Variants in GPAT3 observed in about 807,000 individuals in gnomAD.
The protein encoded by GPAT3 is 1-AGP acyltransferase 9.
GPAT3 carries 53 observed loss-of-function variants against 58.8 expected under a neutral mutation model. The ratio of observed to expected loss-of-function variants is 0.90; its 90% CI spans 0.72 to 1.13. The LOEUF (loss-of-function observed/expected upper bound fraction) is 1.13, where lower values mean the gene tolerates loss of function less well. Among genes scored for constraint, GPAT3 ranks in the 50% most tolerant of loss-of-function variants. The pLI, the probability that GPAT3 is intolerant of heterozygous loss-of-function variation, is 0.00. For synonymous variants in GPAT3, 197 were observed against 187.4 expected (o/e 1.05, Z -0.42); for missense variants, 511 against 527.6 (o/e 0.97, Z 0.31).
intron 1 of GPAT3, among the ~76,000 whole-genome samples, chr4:83,542,902 G>T (rs1008440581): frequency 2.6e-5 from 4 of 152,188 alleles, no homozygotes; most frequent in Non-Finnish European, 1.5e-5. Context: ...GGAGGCTGAG[G>T]CAGGAGAATC....
intron 3 of GPAT3, among the ~76,000 whole-genome samples, chr4:83,585,557 G>A (rs909099279): frequency 2.0e-5 from 3 of 151,482 alleles, no homozygotes; most frequent in Admixed American, 6.6e-5. Flanking sequence ...ATGTTCAGAT[G>A]TGTTATTGAT....
At chr4:83,537,625 G>GTA (rs59505718) in intron 1 of GPAT3, among the ~76,000 whole-genome samples, 2,167 of 147,614 alleles carry the variant, frequency 0.015, 46 homozygotes, top group African/African-American at 0.045. Flanking sequence ...GTGTGTGTGT[G>GTA]TATATTTAAC....
At chr4:83,542,796 G>A (rs200875224) in intron 1 of GPAT3, among the ~76,000 whole-genome samples, 1 of 151,446 alleles carries the variant, frequency 6.6e-6, no homozygotes. Context: ...TCAGCAGTTC[G>A]AGACCACACT....
rs148015617 is a variant in GPAT3 at position 83,557,119 on chromosome 4, T to G, written c.208+12517T>G. 3.1e-3 allele frequency among the ~76,000 whole-genome samples: 477 copies of G among 152,332 alleles called. 1 individual carries two copies. Among genetic ancestry groups the G allele is most frequent in the African/African-American group, 0.011 (462 of 41,564 alleles). On this transcript the variant is annotated intron_variant, in intron 2 of 11. Coordinates refer to ENST00000264409, the MANE Select transcript of GPAT3 (RefSeq NM_032717.5). ...ATACTCTGACATTGGGGATTAGGTT[T>G]CAACACACTAGTCTTGGCAGATGCA...
At chr4:83,545,707 A>G (rs1184585727) in intron 2 of GPAT3, among the ~76,000 whole-genome samples, 1 of 152,170 alleles carries the variant, frequency 6.6e-6, no homozygotes, top group Non-Finnish European at 1.5e-5. Flanking sequence ...ATTTCTGGCT[A>G]TATTTTATCC....
intron 11 of GPAT3, among the ~76,000 whole-genome samples, chr4:83,599,317 A>T (rs1324123951): frequency 1.3e-5 from 2 of 152,120 alleles, no homozygotes; most frequent in Non-Finnish European, 2.9e-5. Context: ...TTCCAACTCT[A>T]CTCAGTGTGT....
rs1317801458 is a variant in GPAT3 at position 83,574,882 on chromosome 4, GT to G, written c.209-6667del. ...ACATTTCTTTCTTTTTTTTTTTTTTGTTTTTTTTTTTTTGAGACGGAGTCTC... is the reference window on the plus strand; with the variant it reads ...ACATTTCTTTCTTTTTTTTTTTTTTGTTTTTTTTTTTTGAGACGGAGTCTC... On this transcript the variant is annotated intron_variant, in intron 2 of 11. Transcript: ENST00000264409. 7.5e-3 allele frequency among the ~76,000 whole-genome samples: 724 copies of G among 96,732 alleles called. 2 individuals are homozygous for G. The highest frequency in any genetic ancestry group is 0.013 in the Non-Finnish European group (580 of 46,018). The allele number at this position is 96,732 out of a possible 152,430, so 63.5% of individuals were successfully genotyped here. A position where few individuals can be genotyped will look rare whatever the true frequency, so the allele number is the denominator to read the frequency against.
intron 2 of GPAT3, among the ~76,000 whole-genome samples, chr4:83,566,419 TTTATTATTA>T (rs10688921): frequency 7.7e-5 from 11 of 143,594 alleles, no homozygotes; most frequent in South Asian, 2.2e-4. Flanking sequence ...AATTAATTAA[TTTATTATTA>T]TTATTATTAT....
At chr4:83,578,165 A>G (rs936690386) in intron 2 of GPAT3, among the ~76,000 whole-genome samples, 15 of 152,304 alleles carry the variant, frequency 9.8e-5, no homozygotes, top group African/African-American at 3.4e-4. Flanking sequence ...CAAATGTTTC[A>G]TCAATAAGGC....
chr4:83,577,434 G>C (rs1487467780), intron 2 of GPAT3, among the ~76,000 whole-genome samples: 15 of 152,120 alleles, frequency 9.9e-5, no homozygotes, highest in Admixed American at 9.8e-4. Context: ...GTGAATCTCT[G>C]TGTCCTAAGG....
chr4:83,541,798 T>TGTC (rs1724314047), intron 1 of GPAT3, among the ~76,000 whole-genome samples: 1 of 152,218 alleles, frequency 6.6e-6, no homozygotes, highest in Non-Finnish European at 1.5e-5. Context: ...TCAGCAGGTT[T>TGTC]AGCCTCATTC....
In GPAT3 at chr4:83,545,045, A is replaced by G. The variant is rs1361764072; in HGVS notation, c.208+443A>G. On this transcript the variant is annotated intron_variant, in intron 2 of 11. Transcript: ENST00000264409. ...TAATTGGTAATACATGAAATAAAAAATAATTTTCTCGTGAAATAAGTTTAG... is the reference window on the plus strand; with the variant it reads ...TAATTGGTAATACATGAAATAAAAAGTAATTTTCTCGTGAAATAAGTTTAG... Among the ~76,000 whole-genome samples the G allele has an allele frequency of 3.3e-5, 5 of 152,254 alleles. No homozygotes were observed. The East Asian group carries it at 9.6e-4, about 29-fold the overall frequency.
chr4:83,591,652 C>A (rs746690054), intron 6 of GPAT3, among the ~76,000 whole-genome samples: 2 of 152,164 alleles, frequency 1.3e-5, no homozygotes, highest in Non-Finnish European at 2.9e-5. Flanking sequence ...CTAGACCCCG[C>A]AGCACAGTTC....
At position 83,594,858 on chromosome 4, in the gene GPAT3, A is replaced by G; in HGVS notation, c.752A>G (p.His251Arg). Residue 251 changes from histidine to arginine, a missense_variant, in exon 7 of 12, where the codon CAT becomes CGT. By Grantham distance (29) the His-to-Arg change is conservative. Coordinates refer to ENST00000264409, the MANE Select transcript of GPAT3 (RefSeq NM_032717.5). ...DGCYAMVGQV[H>R]GGLMGIIQRA... Reference sequence around the variant, plus strand: ...TGCTACTTCTAGGTTGGCCAGGTTCATGGCGGCTTGATGGGAATTATTCAG... The same window carrying G: ...TGCTACTTCTAGGTTGGCCAGGTTCGTGGCGGCTTGATGGGAATTATTCAG... 2 of 1,613,910 alleles carry G rather than the reference A, an allele frequency of 1.2e-6. No homozygotes were observed. The highest frequency in any genetic ancestry group is 1.7e-6 in the Non-Finnish European group (2 of 1,179,860).
chr4:83,548,266 C>T (rs530602413), intron 2 of GPAT3, among the ~76,000 whole-genome samples: 3 of 152,222 alleles, frequency 2.0e-5, no homozygotes, highest in Admixed American at 2.0e-4. Flanking sequence ...GACCCTGGGA[C>T]TTGGTCTGAC....
chr4:83,572,262 T>C (rs1334265074), intron 2 of GPAT3, among the ~76,000 whole-genome samples: 1 of 152,320 alleles, frequency 6.6e-6, no homozygotes, highest in Admixed American at 6.5e-5. Flanking sequence ...TGCCTGTCAC[T>C]CTTTATATAT....
intron 3 of GPAT3, among the ~76,000 whole-genome samples, chr4:83,585,166 C>T (rs1726331866): frequency 6.6e-6 from 1 of 151,992 alleles, no homozygotes; most frequent in South Asian, 2.1e-4. Flanking sequence ...AAGAACCTGA[C>T]CTTCAAATTG....
rs11392342 is a variant in GPAT3 at position 83,578,948 on chromosome 4, T to TCTCTCTTTCTTTC, written c.209-2614_209-2613insCTCTCTTTCTTTC. Among the ~76,000 whole-genome samples, 2 of 71,848 alleles carry TCTCTCTTTCTTTC rather than the reference T, an allele frequency of 2.8e-5. 1 individual carries two copies. The highest frequency in any genetic ancestry group is 5.5e-5 in the Non-Finnish European group (2 of 36,486). 47.1% of individuals were successfully genotyped at this position (71,848 alleles called of 152,430 possible). On this transcript the variant is annotated intron_variant, in intron 2 of 11. Coordinates refer to ENST00000264409, the MANE Select transcript of GPAT3 (RefSeq NM_032717.5). ...TTCTTTCTTTCTTTCTTTTCTTTTC[T>TCTCTCTTTCTTTC]TTTCTTTCTTTCTTTCTTTCTTTCT...
intron 9 of GPAT3, 130 bp from the exon 10 acceptor site, chr4:83,597,921 C>T: frequency 1.9e-6 from 2 of 1,047,102 alleles, no homozygotes; most frequent in East Asian, 2.6e-5. Context: ...TTGATAAATT[C>T]CATCAAGTGA....
Sources: allele counts gnomAD v4.1 joint callset (sites outside exome capture counted in the v4.1 genomes callset), GRCh38; gene constraint gnomAD v4.1.1; transcripts MANE v1.5; gene names NCBI Gene and HGNC (gene_info 2026-07-23, HGNC 2026-07-21).